The following ANO4 variants were observed in gnomAD, a reference collection of about 807,000 sequenced individuals.
ANO4 encodes anoctamin 4, also known as anoctamin-4.
A neutral mutation model predicts 141.9 loss-of-function variants in ANO4; 69 were observed. The observed-to-expected ratio is 0.49, with a 90% CI of 0.40 to 0.59. The LOEUF (loss-of-function observed/expected upper bound fraction) is 0.59. ANO4 is among the 20% of genes least tolerant of loss of function. ANO4 has a pLI of 0.00. For synonymous variants in ANO4, 350 were observed against 394.3 expected (o/e 0.89, Z 1.33); for missense variants, 894 against 1,162.2 (o/e 0.77, Z 3.36).
chr12:101,125,307 C>T (rs2051262826), intron 26 of ANO4, among the ~76,000 whole-genome samples: 1 of 152,116 alleles, frequency 6.6e-6, no homozygotes, highest in South Asian at 2.1e-4. Flanking sequence ...GATTTTTGCA[C>T]ATTGATTTTG....
chr12:101,116,706 C>T lies in ANO4; in HGVS notation c.2478C>T (p.Ser826=), dbSNP rs1443086467. 2 of 1,614,118 alleles carry T rather than the reference C, an allele frequency of 1.2e-6. No homozygotes were observed. ...QKCMVGYVNA[S]LSVFRISDFE... The stretch of plus-strand genomic sequence containing the variant: ...GCATGGTTGGCTATGTGAATGCCAG[C>T]TTGTCTGTATTTCGAATTTCTGACT... Residue 826 remains serine, a synonymous_variant, in exon 25 of 28, where the codon AGC becomes AGT. Transcript: ENST00000392977.
intron 2 of ANO4, among the ~76,000 whole-genome samples, chr12:100,912,822 G>A (rs1802240870): frequency 6.6e-6 from 1 of 152,184 alleles, no homozygotes; most frequent in Admixed American, 6.5e-5. Flanking sequence ...AAAGCGACAA[G>A]GGCTACTTTG....
chr12:101,086,521 A>G lies in ANO4; in HGVS notation c.1537-139A>G. The G allele has an allele frequency of 7.2e-6, 6 of 837,662 alleles. No individual in the cohort carries two copies. The South Asian group carries it at 1.0e-4, about 14-fold the overall frequency. 51.9% of individuals were successfully genotyped at this position (837,662 alleles called of 1,614,324 possible). On this transcript the variant is annotated intron_variant, in intron 16 of 27. Coordinates refer to ENST00000392977, the MANE Select transcript of ANO4 (RefSeq NM_001286615.2). ...GAAAGTATTAACCACAATGAAAAGT[A>G]TGCATTTGATTGTGATCTCTTGAGC...
intron 1 of ANO4, among the ~76,000 whole-genome samples, chr12:100,879,752 G>A (rs968522512): frequency 6.6e-6 from 1 of 152,066 alleles, no homozygotes; most frequent in African/African-American, 2.4e-5. Context: ...CCTTCCACAG[G>A]AATTTATTGA....
chr12:100,806,291 G>T (rs1203293841), intron 1 of ANO4, among the ~76,000 whole-genome samples: 16 of 152,158 alleles, frequency 1.1e-4, no homozygotes, highest in Admixed American at 4.6e-4. Flanking sequence ...ACTCCCATCA[G>T]CAATGAATGA....
At chr12:100,912,499 ACTC>A (rs2041155127) in intron 2 of ANO4, among the ~76,000 whole-genome samples, 1 of 151,134 alleles carries the variant, frequency 6.6e-6, no homozygotes, top group Non-Finnish European at 1.5e-5. Context: ...GTGCCACTGC[ACTC>A]CAGCCTGGGT....
At chr12:100,891,909 A>G (rs540200013) in intron 1 of ANO4, among the ~76,000 whole-genome samples, 90 of 152,212 alleles carry the variant, frequency 5.9e-4, no homozygotes, top group Middle Eastern at 3.4e-3. Flanking sequence ...CATCTCCACA[A>G]CTGAGCTCCA....
intron 1 of ANO4, among the ~76,000 whole-genome samples, chr12:100,835,099 C>T (rs1452758507): frequency 6.6e-6 from 1 of 152,132 alleles, no homozygotes; most frequent in African/African-American, 2.4e-5. Flanking sequence ...TGTGAAAGGA[C>T]GTACTTCAGT....
intron 3 of ANO4, among the ~76,000 whole-genome samples, chr12:100,774,404 A>AT (rs2033410511): frequency 6.6e-6 from 1 of 152,178 alleles, no homozygotes; most frequent in African/African-American, 2.4e-5. Context: ...GCAACCCAAT[A>AT]TTTTTTTAGG....
At chr12:100,721,353 T>G (rs1384555435) in intron 1 of ANO4, among the ~76,000 whole-genome samples, 1 of 152,178 alleles carries the variant, frequency 6.6e-6, no homozygotes, top group Non-Finnish European at 1.5e-5. Context: ...AATGGAGAAT[T>G]ATAATGCAGT....
At chr12:100,850,625 C>T (rs1404945391) in intron 1 of ANO4, among the ~76,000 whole-genome samples, 1 of 152,066 alleles carries the variant, frequency 6.6e-6, no homozygotes, top group Non-Finnish European at 1.5e-5. Flanking sequence ...GAACACCACA[C>T]TTTAAATGTG....
At chr12:100,936,758 G>A (rs1259881860) in intron 3 of ANO4, among the ~76,000 whole-genome samples, 1 of 152,104 alleles carries the variant, frequency 6.6e-6, no homozygotes, top group Non-Finnish European at 1.5e-5. Flanking sequence ...AGCTCCCAGA[G>A]TCTAGCTAGA....
At chr12:100,717,562 C>T (rs1002765364) in intron 1 of ANO4, 2 of 399,836 alleles carry the variant, frequency 5.0e-6, no homozygotes, top group African/African-American at 4.1e-5. Context: ...CTGGGGCCGT[C>T]GCGGGTTCCT....
At chr12:100,936,778 T>TCAGC (rs2042304439) in intron 3 of ANO4, among the ~76,000 whole-genome samples, 1 of 152,134 alleles carries the variant, frequency 6.6e-6, no homozygotes, top group Non-Finnish European at 1.5e-5. Flanking sequence ...AATCGACAAA[T>TCAGC]CAGCATTTGT....
At chr12:100,954,313 A>G in intron 5 of ANO4, among the ~76,000 whole-genome samples, 1 of 152,138 alleles carries the variant, frequency 6.6e-6, no homozygotes, top group East Asian at 1.9e-4. Context: ...CCACAGCAGC[A>G]GGTCACAGGT....
intron 17 of ANO4, among the ~76,000 whole-genome samples, chr12:101,088,883 G>A (rs1373698699): frequency 6.8e-6 from 1 of 146,032 alleles, no homozygotes; most frequent in Non-Finnish European, 1.5e-5. Flanking sequence ...GCAAGGACCT[G>A]TAAAAAATTA....
chr12:100,799,608 G>T (rs764708482), intron 1 of ANO4, among the ~76,000 whole-genome samples: 15 of 152,102 alleles, frequency 9.9e-5, no homozygotes, highest in Non-Finnish European at 1.3e-4. Flanking sequence ...GGGCATGGTG[G>T]GGCGCGCCTG....
rs149352070 is a variant in ANO4 at position 100,720,647 on chromosome 12, T to C, written c.22+3100T>C. 3.8e-3 allele frequency among the ~76,000 whole-genome samples: 574 copies of C among 152,212 alleles called. 3 individuals are homozygous for C. Among genetic ancestry groups the C allele is most frequent in the African/African-American group, 0.013 (547 of 41,532 alleles). On this transcript the variant is annotated intron_variant, in intron 1 of 29. Coordinates refer to the ANO4 transcript ENST00000644049. ...GGTTCTCTCAAACTTTTAAATAATT[T>C]GACTCTCAACCATTTGGATGACATT...
At chr12:100,847,607 G>C (rs2037640825) in intron 1 of ANO4, among the ~76,000 whole-genome samples, 1 of 152,044 alleles carries the variant, frequency 6.6e-6, no homozygotes, top group South Asian at 2.1e-4. Context: ...GAGTAGCTGG[G>C]ACTACAGGTG....
Sources: gnomAD v4.1 joint callset for allele counts (sites outside exome capture counted in the v4.1 genomes callset) on GRCh38, gnomAD v4.1.1 for gene constraint, MANE v1.5 for transcripts, NCBI Gene and HGNC (gene_info 2026-07-23, HGNC 2026-07-21) for gene names.